MYH9: variants seen among roughly 807,000 people sequenced by gnomAD.
MYH9 encodes myosin heavy chain 9.
A neutral mutation model predicts 241.9 loss-of-function variants in MYH9; 29 were observed. That is an observed-to-expected ratio of 0.12 (90% CI 0.09 to 0.16). MYH9 has a LOEUF of 0.16. MYH9 is among the 10% of genes least tolerant of loss of function. The pLI, the probability that MYH9 is intolerant of heterozygous loss-of-function variation, is 1.00. For synonymous variants in MYH9, 1,047 were observed against 1,062.6 expected, an observed-to-expected ratio of 0.99 and a Z score of 0.29; for missense variants, 1,803 against 2,595.5, an observed-to-expected ratio of 0.69 and a Z score of 6.63.
chr22:36,317,625 A>C (rs1021797343), intron 11 of MYH9, among the ~76,000 whole-genome samples: 4 of 152,066 alleles, frequency 2.6e-5, no homozygotes, highest in Non-Finnish European at 5.9e-5. Context: ...CACCCTAAAA[A>C]CCCCCATGGC....
Position 36,349,077 on chromosome 22 carries a change from C to G in MYH9, c.160G>C (p.Ala54Pro). Reference sequence around the variant, plus strand: ...CCATTCTCCACCAGCTCCACGATGGCCTCTTCGCCCACCTCCTCCTTGAGG... The same window carrying G: ...CCATTCTCCACCAGCTCCACGATGGGCTCTTCGCCCACCTCCTCCTTGAGG... ...ASLKEEVGEE[A>P]IVELVENGKK... Residue 54 changes from alanine (A) to proline (P), a missense_variant, in exon 2 of 41, where the codon GCC (alanine) becomes CCC (proline). By Grantham distance (27) the Ala-to-Pro change is conservative. This residue lies in a region of MYH9 where 75 missense variants were observed against 79.1 expected (regional missense o/e 0.95). Coordinates refer to ENST00000216181, the MANE Select transcript of MYH9 (RefSeq NM_002473.6). 7 of 1,614,244 alleles carry G rather than the reference C, an allele frequency of 4.3e-6. No homozygotes were observed. The highest frequency in any genetic ancestry group is 5.9e-6 in the Non-Finnish European group (7 of 1,180,046).
intron 2 of MYH9, among the ~76,000 whole-genome samples, chr22:36,347,146 C>T (rs2146390579): frequency 6.6e-6 from 1 of 152,242 alleles, no homozygotes; most frequent in South Asian, 2.1e-4. Flanking sequence ...AGCCCGTTGC[C>T]TCTGGGATGC....
At chr22:36,291,052 A>C (rs2016689708) in intron 31 of MYH9, among the ~76,000 whole-genome samples, 1 of 145,142 alleles carries the variant, frequency 6.9e-6, no homozygotes, top group Non-Finnish European at 1.5e-5. Context: ...TCCGGGAGGG[A>C]GGTGGGGGGG....
chr22:36,290,186 C>T (rs1261660131), intron 31 of MYH9, among the ~76,000 whole-genome samples: 2 of 151,774 alleles, frequency 1.3e-5, no homozygotes, highest in African/African-American at 4.8e-5. Context: ...TGGTGAGATC[C>T]CTGTCACTAT....
rs1287907563 is a variant in MYH9, at chr22:36,360,456, G to A, written c.-19-11201C>T. ...AGGCCGGGCACAGTGGCTCACACCT[G>A]TAATCCCAGCACTTTGAGAGGCCGA... On this transcript the variant is annotated intron_variant, in intron 1 of 40. Coordinates refer to ENST00000216181, the MANE Select transcript of MYH9 (RefSeq NM_002473.6). 3.3e-5 allele frequency among the ~76,000 whole-genome samples: 5 copies of A among 152,232 alleles called. No homozygotes were observed. In the East Asian group the frequency reaches 7.7e-4, roughly 24 times the overall value.
rs374214516 is a variant in MYH9 at position 36,282,798 on chromosome 22, G to A, written c.5766-13C>T. ...CAGGTCCCCGCGCCTGGGGGCAGAG[G>A]TAGAAGCAGAGGGTCAGCGGGCCCG... On this transcript the variant is annotated splice_polypyrimidine_tract_variant and intron_variant, in intron 40 of 40. Coordinates refer to ENST00000216181, the MANE Select transcript of MYH9 (RefSeq NM_002473.6). 6.2e-7 allele frequency: 1 copy of A among 1,605,128 alleles called. No individual in the cohort carries two copies. The highest frequency in any genetic ancestry group is 1.3e-5 in the African/African-American group (1 of 75,006).
chr22:36,352,734 G>A (rs771822842), intron 1 of MYH9, among the ~76,000 whole-genome samples: 3 of 152,222 alleles, frequency 2.0e-5, no homozygotes, highest in Non-Finnish European at 4.4e-5. Context: ...GAGGAAGAGA[G>A]AATGCATCCC....
chr22:36,374,566 C>A (rs546842514), intron 1 of MYH9, among the ~76,000 whole-genome samples: 15 of 152,222 alleles, frequency 9.9e-5, no homozygotes, highest in African/African-American at 3.4e-4. Context: ...ATAACAATTA[C>A]GTCTCTCTCA....
At chr22:36,362,231 C>A (rs542210156) in intron 1 of MYH9, among the ~76,000 whole-genome samples, 1 of 152,092 alleles carries the variant, frequency 6.6e-6, no homozygotes, top group South Asian at 2.1e-4. Context: ...TTAAATGACA[C>A]GAGAGGGACA....
rs114913324 is a variant in MYH9 at position 36,334,292 on chromosome 22, G to A, written c.491-6804C>T. 3.1e-3 allele frequency among the ~76,000 whole-genome samples: 473 copies of A among 152,322 alleles called. 2 individuals are homozygous for A. Among genetic ancestry groups the A allele is most frequent in the African/African-American group, 9.9e-3 (411 of 41,584 alleles). ...CAGCTCGCATCAGCTCGAGGACAGC[G>A]CCTCCCGGCTGCAGCCATGGTGTTG... On this transcript the variant is annotated intron_variant, in intron 3 of 40. Transcript: ENST00000216181.
chr22:36,371,797 A>G (rs1272229780), intron 1 of MYH9, among the ~76,000 whole-genome samples: 1 of 151,988 alleles, frequency 6.6e-6, no homozygotes, highest in East Asian at 1.9e-4. Flanking sequence ...GGCCTCCCAA[A>G]GTGCTGGGAT....
At chr22:36,326,059 T>A (rs1366851043) in intron 5 of MYH9, among the ~76,000 whole-genome samples, 1 of 151,698 alleles carries the variant, frequency 6.6e-6, no homozygotes, top group Non-Finnish European at 1.5e-5. Context: ...CCATAATCCA[T>A]CAAAAGGGAG....
chr22:36,284,353 T>A, intron 39 of MYH9, 50 bp downstream of exon 39: 1 of 1,606,864 alleles, frequency 6.2e-7, no homozygotes, highest in Non-Finnish European at 8.5e-7. Flanking sequence ...TGTCACCCCA[T>A]CTGCTGCCCA....
intron 2 of MYH9, among the ~76,000 whole-genome samples, chr22:36,347,874 A>C (rs1335952523): frequency 1.3e-5 from 2 of 151,346 alleles, no homozygotes; most frequent in Non-Finnish European, 2.9e-5. Flanking sequence ...TGGTGAAGGG[A>C]GAGGAGATCC....
intron 2 of MYH9, among the ~76,000 whole-genome samples, chr22:36,343,379 T>C (rs780588490): frequency 6.6e-6 from 1 of 151,758 alleles, no homozygotes; most frequent in Non-Finnish European, 1.5e-5. Flanking sequence ...CTACAAAAAA[T>C]TAAAAAATTA....
chr22:36,353,567 T>G (rs2017806604), intron 1 of MYH9, among the ~76,000 whole-genome samples: 1 of 152,172 alleles, frequency 6.6e-6, no homozygotes, highest in Non-Finnish European at 1.5e-5. Flanking sequence ...TAGGTCAGGC[T>G]GGTCTTGAAC....
intron 38 of MYH9, 121 bp downstream of exon 38, chr22:36,285,000 G>A: frequency 1.1e-6 from 1 of 945,262 alleles, no homozygotes; most frequent in South Asian, 1.5e-5. Flanking sequence ...TCAGGAGGGA[G>A]GGAAACAGCC....
At chr22:36,283,971 G>T in intron 40 of MYH9, 122 bp downstream of exon 40, 1 of 1,184,820 alleles carries the variant, frequency 8.4e-7, no homozygotes, top group African/African-American at 1.5e-5. Flanking sequence ...AAGGGGCAGG[G>T]ATTGCTTTGT....
Position 36,295,054 on chromosome 22 carries a change from T to C in MYH9, c.3508A>G (p.Asn1170Asp), listed in dbSNP as rs972902024. ...TCCTCCAGGGTCTTCTTCAGGATGT[T>C]CACCTCCTGCTCACGTTTTGACCTG... ...ELRSKREQEVNILKKTLEEEA... is the reference protein window; with the variant it reads ...ELRSKREQEVDILKKTLEEEA... Residue 1170 changes from asparagine (N) to aspartate (D), a missense_variant, in exon 27 of 41, where the codon AAC (asparagine) becomes GAC (aspartate). This residue lies in a region of MYH9 where 876 missense variants were observed against 1,077.8 expected (regional missense o/e 0.81). Coordinates refer to ENST00000216181, the MANE Select transcript of MYH9 (RefSeq NM_002473.6). The surrounding 1 kb of genome is among the most constrained non-coding windows in gnomAD (Gnocchi z 4.1). 1 of 1,614,186 alleles carries C rather than the reference T, an allele frequency of 6.2e-7. No homozygotes were observed. Among genetic ancestry groups the C allele is most frequent in the Non-Finnish European group, 8.5e-7 (1 of 1,180,038 alleles).
Sources: allele counts gnomAD v4.1 joint callset (sites outside exome capture counted in the v4.1 genomes callset), GRCh38; gene constraint gnomAD v4.1.1; regional missense constraint gnomAD v4.1.1; non-coding constraint Gnocchi (gnomAD v3.1); transcripts MANE v1.5; gene names NCBI Gene and HGNC (gene_info 2026-07-23, HGNC 2026-07-21).